Variants in NRXN3 observed in about 807,000 individuals in gnomAD.
NRXN3 encodes neurexin 3, also known as neurexin III.
A neutral mutation model predicts 137.6 loss-of-function variants in NRXN3; 32 were observed. The observed-to-expected ratio is 0.23, with a 90% CI of 0.18 to 0.31. The LOEUF is 0.31. Among genes scored for constraint, NRXN3 ranks in the 10% least tolerant of loss-of-function variants. NRXN3 has a pLI of 1.00. For missense variants in NRXN3, 1,574 were observed against 2,062.5 expected, an observed-to-expected ratio of 0.76 and a Z score of 4.59; for synonymous variants, 798 against 784.5, an observed-to-expected ratio of 1.02 and a Z score of -0.29.
chr14:78,237,850 T>G (rs1426621197), intron 1 of NRXN3, among the ~76,000 whole-genome samples: 1 of 152,096 alleles, frequency 6.6e-6, no homozygotes, highest in Non-Finnish European at 1.5e-5. Context: ...CCAGTCCTGG[T>G]GAGGGCAGGT....
At chr14:78,450,599 G>T (rs1304958173) in intron 4 of NRXN3, among the ~76,000 whole-genome samples, 2 of 152,228 alleles carry the variant, frequency 1.3e-5, no homozygotes, top group African/African-American at 4.8e-5. Context: ...AGCCTGGTAG[G>T]TTGGGGCAGG....
chr14:79,109,063 A>G (rs1168236746), intron 15 of NRXN3, among the ~76,000 whole-genome samples: 1 of 152,222 alleles, frequency 6.6e-6, no homozygotes, highest in Non-Finnish European at 1.5e-5. Context: ...TTCAATGTCC[A>G]AAGACGTTAT....
intron 10 of NRXN3, among the ~76,000 whole-genome samples, chr14:78,918,190 C>A (rs993452316): frequency 7.1e-6 from 1 of 141,760 alleles, no homozygotes; most frequent in African/African-American, 2.6e-5. Context: ...GAGGCTGAGG[C>A]GGGAGAATCG....
intron 20 of NRXN3, among the ~76,000 whole-genome samples, chr14:79,855,006 C>T (rs2099399603): frequency 6.6e-6 from 1 of 152,270 alleles, no homozygotes; most frequent in Admixed American, 6.5e-5. Context: ...AGAAGGCACA[C>T]ACACATTCTC....
intron 16 of NRXN3, among the ~76,000 whole-genome samples, chr14:79,495,923 C>T (rs2153663785): frequency 6.7e-6 from 1 of 150,214 alleles, no homozygotes; most frequent in Admixed American, 6.6e-5. Context: ...TAAAAGGTGT[C>T]ATCTCTATCG....
At chr14:79,590,844 C>G (rs758017655) in intron 16 of NRXN3, among the ~76,000 whole-genome samples, 5 of 152,194 alleles carry the variant, frequency 3.3e-5, no homozygotes, top group African/African-American at 4.8e-5. Context: ...GCTTTTGCAT[C>G]AAATTTCAAT....
intron 4 of NRXN3, among the ~76,000 whole-genome samples, chr14:78,481,984 T>C (rs1421457462): frequency 2.0e-5 from 3 of 152,222 alleles, no homozygotes; most frequent in African/African-American, 7.2e-5. Context: ...GTAGATAAGA[T>C]GATAAAGGGA....
chr14:79,119,703 G>A (rs1054780504), intron 15 of NRXN3, among the ~76,000 whole-genome samples: 7 of 152,094 alleles, frequency 4.6e-5, no homozygotes, highest in Admixed American at 2.0e-4. Flanking sequence ...TAGGTGTGAA[G>A]CCCAGATCTA....
At chr14:79,600,156 A>C (rs560337976) in intron 16 of NRXN3, among the ~76,000 whole-genome samples, 1 of 152,368 alleles carries the variant, frequency 6.6e-6, no homozygotes, top group Admixed American at 6.5e-5. Flanking sequence ...GTTTCAATGC[A>C]GGCATCTGGC....
rs139438284 is a variant in NRXN3, at chr14:79,712,792, G to A, written c.4014+14855G>A. ...CCTCCTGCTTTAGTCTGGGCTGGGC[G>A]CTCGCTGAGCCTGCCTCACAGCTAT... On this transcript the variant is annotated intron_variant, in intron 19 of 20. Coordinates refer to ENST00000335750, the MANE Select transcript of NRXN3 (RefSeq NM_001330195.2). Among the ~76,000 whole-genome samples, 382 of 152,186 alleles carry A rather than the reference G, an allele frequency of 2.5e-3. 3 individuals are homozygous for A. The highest frequency in any genetic ancestry group is 8.1e-3 in the African/African-American group (338 of 41,506).
intron 15 of NRXN3, among the ~76,000 whole-genome samples, chr14:79,136,429 C>T (rs2058233530): frequency 6.6e-6 from 1 of 152,198 alleles, no homozygotes; most frequent in African/African-American, 2.4e-5. Context: ...TAATGACCAA[C>T]TTTATATACA....
At chr14:79,391,902 G>A (rs2094857395) in intron 15 of NRXN3, among the ~76,000 whole-genome samples, 1 of 152,122 alleles carries the variant, frequency 6.6e-6, no homozygotes, top group Non-Finnish European at 1.5e-5. Context: ...TTTCTCAGAG[G>A]AGAGTGTTTA....
At chr14:78,640,757 T>C (rs2097618492) in intron 4 of NRXN3, among the ~76,000 whole-genome samples, 1 of 152,240 alleles carries the variant, frequency 6.6e-6, no homozygotes, top group African/African-American at 2.4e-5. Flanking sequence ...TTTAATCAAT[T>C]GGACACTTAC....
At chr14:79,378,381 C>T (rs1599416807) in intron 15 of NRXN3, among the ~76,000 whole-genome samples, 1 of 152,148 alleles carries the variant, frequency 6.6e-6, no homozygotes, top group African/African-American at 2.4e-5. Context: ...GGATGACCAC[C>T]GTGGGATCCC....
intron 4 of NRXN3, among the ~76,000 whole-genome samples, chr14:78,542,584 G>T (rs1307314069): frequency 6.6e-6 from 1 of 152,168 alleles, no homozygotes; most frequent in Non-Finnish European, 1.5e-5. Context: ...TTTTTTCCAG[G>T]TAGTCTGTCA....
chr14:79,525,171 A>C (rs2097106893), intron 16 of NRXN3, among the ~76,000 whole-genome samples: 1 of 152,166 alleles, frequency 6.6e-6, no homozygotes, highest in South Asian at 2.1e-4. Context: ...ACTGAGAAAC[A>C]GGAGGGCAGG....
chr14:78,268,141 A>C (rs1026636570), intron 2 of NRXN3, among the ~76,000 whole-genome samples: 8 of 152,198 alleles, frequency 5.3e-5, no homozygotes, highest in Non-Finnish European at 1.2e-4. Context: ...ATCTAAAAAC[A>C]TATATCCCCT....
intron 10 of NRXN3, among the ~76,000 whole-genome samples, chr14:78,929,886 A>AG (rs1285813883): frequency 6.6e-6 from 1 of 152,224 alleles, no homozygotes; most frequent in Non-Finnish European, 1.5e-5. Flanking sequence ...CTCATGTCTA[A>AG]GGAAGGTATG....
At chr14:78,547,406 G>A (rs958930344) in intron 4 of NRXN3, among the ~76,000 whole-genome samples, 6 of 151,880 alleles carry the variant, frequency 4.0e-5, no homozygotes, top group African/African-American at 7.3e-5. Context: ...TACCATTTTA[G>A]CCAGGATGGT....
Sources: gnomAD v4.1 joint callset for allele counts (sites outside exome capture counted in the v4.1 genomes callset) on GRCh38, gnomAD v4.1.1 for gene constraint, MANE v1.5 for transcripts, NCBI Gene and HGNC (gene_info 2026-07-23, HGNC 2026-07-21) for gene names.